HECW1: variants seen among roughly 807,000 people sequenced by gnomAD.
HECW1 encodes the protein E3 ubiquitin-protein ligase HECW1.
A neutral mutation model predicts 182.3 loss-of-function variants in HECW1; 61 were observed. That is an observed-to-expected ratio of 0.33 (90% CI 0.27 to 0.41). HECW1 has a LOEUF of 0.41. Ranked by LOEUF, HECW1 falls within the 10% of genes least tolerant of loss-of-function variation. HECW1 has a pLI of 1.00. For synonymous variants in HECW1, 859 were observed against 832.6 expected (o/e 1.03, Z -0.55); for missense variants, 1,739 against 2,108.9 (o/e 0.82, Z 3.44).
chr7:43,263,794 A>C (rs1801445113), intron 3 of HECW1, among the ~76,000 whole-genome samples: 1 of 152,174 alleles, frequency 6.6e-6, no homozygotes, highest in Non-Finnish European at 1.5e-5. Flanking sequence ...AGAAAGAAGA[A>C]GAGGCTGCAG....
chr7:43,301,874 C>CA (rs202061205), intron 3 of HECW1, among the ~76,000 whole-genome samples: 20,956 of 118,810 alleles, frequency 0.18, 1,834 homozygotes, highest in African/African-American at 0.26. Context: ...GAAACTCTGT[C>CA]AAAAAAAAAA....
At chr7:43,308,651 G>A (rs1291766910) in intron 3 of HECW1, among the ~76,000 whole-genome samples, 2 of 150,218 alleles carry the variant, frequency 1.3e-5, no homozygotes, top group Admixed American at 6.6e-5. Flanking sequence ...TTGAGACGGG[G>A]TCTCGCTCTT....
At chr7:43,408,385 C>G (rs1006049602) in intron 8 of HECW1, among the ~76,000 whole-genome samples, 1 of 152,114 alleles carries the variant, frequency 6.6e-6, no homozygotes, top group East Asian at 1.9e-4. Flanking sequence ...AAGTTCTCTC[C>G]TAAAGGACAT....
chr7:43,253,843 G>A (rs1452610278), intron 3 of HECW1, among the ~76,000 whole-genome samples: 1 of 152,106 alleles, frequency 6.6e-6, no homozygotes, highest in African/African-American at 2.4e-5. Flanking sequence ...GGAAGGCAGA[G>A]GTTGCAGTGA....
intron 5 of HECW1, among the ~76,000 whole-genome samples, chr7:43,341,130 C>G (rs897114395): frequency 6.6e-6 from 1 of 151,412 alleles, no homozygotes; most frequent in African/African-American, 2.4e-5. Context: ...GGACACAGGG[C>G]AGGGAATATC....
chr7:43,453,427 G>A (rs2077299303), intron 12 of HECW1, among the ~76,000 whole-genome samples: 1 of 152,164 alleles, frequency 6.6e-6, no homozygotes, highest in East Asian at 1.9e-4. Flanking sequence ...ACTGAGTTGG[G>A]TAGGAAAGAC....
At chr7:43,553,209 T>C (rs1036024732) in intron 28 of HECW1, among the ~76,000 whole-genome samples, 1 of 152,174 alleles carries the variant, frequency 6.6e-6, no homozygotes, top group Admixed American at 6.5e-5. Context: ...TCCTTATTAC[T>C]TATAGATTTG....
chr7:43,115,152 G>A (rs999196295), intron 2 of HECW1, among the ~76,000 whole-genome samples: 2 of 152,170 alleles, frequency 1.3e-5, no homozygotes, highest in African/African-American at 4.8e-5. Context: ...CCCAGTGTTG[G>A]AAAGGCAAAT....
chr7:43,528,124 GAT>G (rs2080832969), intron 24 of HECW1, among the ~76,000 whole-genome samples: 1 of 152,202 alleles, frequency 6.6e-6, no homozygotes, highest in African/African-American at 2.4e-5. Flanking sequence ...TGCTTGCCTG[GAT>G]AACTAAATGC....
At chr7:43,520,897 A>T (rs2080440212) in intron 24 of HECW1, among the ~76,000 whole-genome samples, 1 of 152,132 alleles carries the variant, frequency 6.6e-6, no homozygotes, top group Non-Finnish European at 1.5e-5. Flanking sequence ...TTAGCTTTTA[A>T]ACTGGATCAG....
At chr7:43,125,745 G>A (rs1469260457) in intron 2 of HECW1, among the ~76,000 whole-genome samples, 4 of 122,416 alleles carry the variant, frequency 3.3e-5, no homozygotes, top group South Asian at 2.7e-4. Context: ...GTGACAGAGC[G>A]AGATTCTGTC....
At chr7:43,207,645 C>G (rs59398049) in intron 2 of HECW1, 22,529 of 152,156 alleles carry the variant, frequency 0.15, 1,911 homozygotes, top group African/African-American at 0.24. Flanking sequence ...GTTCCCTTGT[C>G]AGCTTCTAGT....
At chr7:43,182,957 G>T (rs2152677724) in intron 2 of HECW1, among the ~76,000 whole-genome samples, 1 of 152,038 alleles carries the variant, frequency 6.6e-6, no homozygotes, top group East Asian at 1.9e-4. Flanking sequence ...AAATGGTATT[G>T]TTTTCTTGAT....
intron 17 of HECW1, among the ~76,000 whole-genome samples, chr7:43,483,560 T>TG (rs2078515792): frequency 6.7e-6 from 1 of 149,376 alleles, no homozygotes; most frequent in Non-Finnish European, 1.5e-5. Flanking sequence ...TTTTTTTTTT[T>TG]TTTTTTGAGC....
At chr7:43,356,575 C>T (rs1426776599) in intron 5 of HECW1, among the ~76,000 whole-genome samples, 2 of 152,216 alleles carry the variant, frequency 1.3e-5, no homozygotes, top group East Asian at 1.9e-4. Context: ...TTTCACTCAA[C>T]TGCTGCAGAA....
At chr7:43,264,205 A>G (rs1184914614) in intron 3 of HECW1, among the ~76,000 whole-genome samples, 2 of 152,170 alleles carry the variant, frequency 1.3e-5, no homozygotes, top group African/African-American at 2.4e-5. Flanking sequence ...TAACTGACGG[A>G]AACATTATAC....
chr7:43,304,949 T>A (rs1384539529), intron 3 of HECW1, among the ~76,000 whole-genome samples: 1 of 152,198 alleles, frequency 6.6e-6, no homozygotes, highest in Non-Finnish European at 1.5e-5. Flanking sequence ...TAAGGCAGTT[T>A]TAGACAGAAC....
At chr7:43,134,289 GAGGCTGA>G (rs1433900186) in intron 2 of HECW1, among the ~76,000 whole-genome samples, 19 of 150,972 alleles carry the variant, frequency 1.3e-4, no homozygotes, top group African/African-American at 4.1e-4. Flanking sequence ...AGCTACTTGG[GAGGCTGA>G]AGCAGAAGAA....
intron 3 of HECW1, among the ~76,000 whole-genome samples, chr7:43,295,355 T>C (rs929425743): frequency 6.6e-6 from 1 of 152,182 alleles, no homozygotes; most frequent in African/African-American, 2.4e-5. Context: ...AGGAATAGAA[T>C]AGGAGGCAGG....
Sources: gnomAD v4.1 joint callset for allele counts (sites outside exome capture counted in the v4.1 genomes callset) on GRCh38, gnomAD v4.1.1 for gene constraint, MANE v1.5 for transcripts, NCBI Gene and HGNC (gene_info 2026-07-23, HGNC 2026-07-21) for gene names.